TFR2: variants seen among roughly 807,000 people sequenced by gnomAD.
The protein encoded by TFR2 is transferrin receptor protein 2.
A neutral mutation model predicts 91.9 loss-of-function variants in TFR2; 64 were observed. The ratio of observed to expected loss-of-function variants is 0.70; its 90% CI spans 0.57 to 0.86. TFR2 has a LOEUF of 0.86. TFR2 is among the 40% of genes least tolerant of loss of function. TFR2 has a pLI of 0.00. For synonymous variants in TFR2, 454 were observed against 459.6 expected (o/e 0.99, Z 0.15); for missense variants, 950 against 1,080.5 (o/e 0.88, Z 1.69).
chr7:100,641,126 C>G lies in TFR2; in HGVS notation c.136G>C (p.Glu46Gln), dbSNP rs199735109. The G allele has an allele frequency of 3.8e-5, 59 of 1,568,778 alleles. No homozygotes were observed. The African/African-American group carries it at 6.9e-4, about 18-fold the overall frequency. ...EEEEDGEEGA[E>Q]TLAHFCPMEL... The stretch of plus-strand genomic sequence containing the variant: ...ATGGGGCAGAAGTGGGCCAATGTCT[C>G]CGCCCCCTCCTCCCCGTCTTCCTCT... Residue 46 changes from glutamate (E) to glutamine (Q), a missense_variant, in exon 2 of 18, where the codon GAG becomes CAG. Transcript: ENST00000223051.
At chr7:100,632,879 C>T (rs1031575659) in intron 6 of TFR2, 122 bp downstream of exon 6, 3 of 1,539,882 alleles carry the variant, frequency 1.9e-6, no homozygotes, top group African/African-American at 2.7e-5. Context: ...CTTATATTTT[C>T]TTACCATCCA....
In TFR2 at chr7:100,631,070, A is replaced by T; in HGVS notation, c.1107-18T>A. On this transcript the variant is annotated intron_variant, in intron 8 of 17. Coordinates refer to ENST00000223051, the MANE Select transcript of TFR2 (RefSeq NM_003227.4). ...TGAGCTTCCTGGAGAGGAGGAAGGC[A>T]GAAAGGGGGAAGTTGTAGAGAGACC... The T allele has an allele frequency of 1.9e-6, 3 of 1,541,394 alleles. No individual in the cohort carries two copies. The highest frequency in any genetic ancestry group is 2.5e-5 in the South Asian group (2 of 80,266).
chr7:100,634,808 G>T (rs1025446098), intron 3 of TFR2, among the ~76,000 whole-genome samples: 1 of 152,162 alleles, frequency 6.6e-6, no homozygotes, highest in African/African-American at 2.4e-5. Flanking sequence ...CAGTCTCTTT[G>T]CCTGGCAAAT....
chr7:100,630,626 G>A (rs1803406398), intron 9 of TFR2, among the ~76,000 whole-genome samples: 1 of 152,164 alleles, frequency 6.6e-6, no homozygotes, highest in African/African-American at 2.4e-5. Context: ...ATCCAACTTA[G>A]GCTTACTCAC....
At chr7:100,622,940 C>T (rs1803146998) in intron 17 of TFR2, among the ~76,000 whole-genome samples, 1 of 145,988 alleles carries the variant, frequency 6.8e-6, no homozygotes. Context: ...GCCTGGGTGA[C>T]AGAGCAAGAC....
At position 100,633,349 on chromosome 7, in the gene TFR2, C is replaced by T. The variant is rs371250117; in HGVS notation, c.615-9G>A. 8 of 1,611,374 alleles carry T rather than the reference C, an allele frequency of 5.0e-6. No individual in the cohort carries two copies. The highest frequency in any genetic ancestry group is 1.3e-5 in the African/African-American group (1 of 74,854). On this transcript the variant is annotated splice_polypyrimidine_tract_variant and intron_variant, in intron 4 of 17. Coordinates refer to ENST00000223051, the MANE Select transcript of TFR2 (RefSeq NM_003227.4). The stretch of plus-strand genomic sequence containing the variant: ...GGGTGTTGGGGTGAGCCCTGGGGAG[C>T]GGGGCTGGTGAGCGCCCCGAGCCGC...
In TFR2 at chr7:100,628,237, G is replaced by T. The variant is rs146530042; in HGVS notation, c.1460C>A (p.Thr487Lys). ...DGGDFGSVGS[T>K]EWLEGYLSVL... ...ACCCCGTATCACCTCTAGCCACTCCGTGGAGCCCACGCTTCCAAAGTCACC... is the reference window on the plus strand; with the variant it reads ...ACCCCGTATCACCTCTAGCCACTCCTTGGAGCCCACGCTTCCAAAGTCACC... Residue 487 changes from threonine to lysine, a missense_variant, in exon 11 of 18, where the codon ACG becomes AAG. Physicochemically the swap from Thr to Lys is moderately conservative, Grantham distance 78. Coordinates refer to ENST00000223051, the MANE Select transcript of TFR2 (RefSeq NM_003227.4). 8.2e-6 allele frequency: 13 copies of T among 1,581,836 alleles called. No homozygotes were observed. The highest frequency in any genetic ancestry group is 1.0e-5 in the Non-Finnish European group (12 of 1,167,016).
At chr7:100,635,432 A>AATT (rs60473539) in intron 3 of TFR2, among the ~76,000 whole-genome samples, 118,850 of 143,332 alleles carry the variant, frequency 0.83, 49,401 homozygotes, top group East Asian at 0.88. Context: ...TTTTTTAAAA[A>AATT]ATTATTATTA....
Position 100,628,122 on chromosome 7 carries a change from C to T in TFR2, c.1488G>A (p.Val496=). 1.2e-6 allele frequency: 2 copies of T among 1,614,124 alleles called. No homozygotes were observed. Among genetic ancestry groups the T allele is most frequent in the African/African-American group, 1.3e-5 (1 of 75,038 alleles). The stretch of plus-strand genomic sequence containing the variant: ...CGTACACTACGGCTTTGAGGTGCAG[C>T]ACGCTGAGGTAGCCCTGTGGGTGGG... ...STEWLEGYLS[V]LHLKAVVYVS... is the part of the protein sequence containing the mutation. Residue 496 remains valine, a synonymous_variant, in exon 12 of 18, where the codon GTG becomes GTA. Transcript: ENST00000223051.
intron 13 of TFR2, 29 bp from the exon 14 acceptor site, chr7:100,627,849 G>T: frequency 1.2e-6 from 2 of 1,614,052 alleles, no homozygotes; most frequent in East Asian, 2.2e-5. Context: ...CACTGATCAG[G>T]CTCTGCTCCT....
At position 100,627,283 on chromosome 7, in the gene TFR2, T is replaced by A. The variant is rs1436441761; in HGVS notation, c.1976A>T (p.Glu659Val). ...VVLRHIGNLN[E>V]FSGDLKARGL... ...TTGAACCTTGAGGTCCCCAGAGAACTCGTTGAGGTTCCCGATGTGCCTGAG... is the reference window on the plus strand; with the variant it reads ...TTGAACCTTGAGGTCCCCAGAGAACACGTTGAGGTTCCCGATGTGCCTGAG... Residue 659 changes from glutamate to valine, a missense_variant, in exon 16 of 18, where the codon GAG (glutamate) becomes GTG (valine). Coordinates refer to ENST00000223051, the MANE Select transcript of TFR2 (RefSeq NM_003227.4). 1 of 1,549,218 alleles carries A rather than the reference T, an allele frequency of 6.5e-7. No individual in the cohort carries two copies. The highest frequency in any genetic ancestry group is 1.4e-5 in the African/African-American group (1 of 73,074).
rs763998097 is a variant in TFR2 at position 100,631,865 on chromosome 7, T to C, written c.1047A>G (p.Ser349=). The C allele has an allele frequency of 1.2e-6, 2 of 1,613,906 alleles. No individual in the cohort carries two copies. The highest frequency in any genetic ancestry group is 8.5e-7 in the Non-Finnish European group (1 of 1,179,982). The change falls in exon 8 of 18, where the codon TCA becomes TCG. Residue 349 remains serine, a synonymous_variant. Coordinates refer to ENST00000223051, the MANE Select transcript of TFR2 (RefSeq NM_003227.4). ...GCTGGGCTGGGATGCTGGGAAGGCC[T>C]GATGATGCAACTGGAGGGAACTGGG... ...NQTQFPPVAS[S]GLPSIPAQPI... is the part of the protein sequence containing the mutation.
intron 17 of TFR2, among the ~76,000 whole-genome samples, chr7:100,624,139 C>T (rs569389052): frequency 7.6e-4 from 116 of 152,242 alleles, no homozygotes; most frequent in African/African-American, 2.7e-3. Flanking sequence ...CTCTAATTTC[C>T]TTGATGCTAA....
At chr7:100,623,887 CAAAAAAA>C (rs36052130) in intron 17 of TFR2, among the ~76,000 whole-genome samples, 1 of 96,476 alleles carries the variant, frequency 1.0e-5, no homozygotes. Context: ...CCTTCTCTAC[CAAAAAAA>C]AAAAAAAAAA....
rs758605498 is a variant in TFR2, at chr7:100,626,944, C to CAGGACCCCCGCCTAGCATGGGGACA, written c.1996-66_1996-42dup. 2,090 of 1,522,534 alleles carry CAGGACCCCCGCCTAGCATGGGGACA rather than the reference C, an allele frequency of 1.4e-3. 4 individuals carry two copies. The highest frequency in any genetic ancestry group is 1.4e-3 in the Non-Finnish European group (1,580 of 1,137,460). The allele number at this position is 1,522,534 out of a possible 1,614,324, so 94.3% of individuals were successfully genotyped here. On this transcript the variant is annotated intron_variant, in intron 16 of 17. Transcript: ENST00000223051. ...GCGGGCTGGGGCTGGCGGCAGGGGC[C>CAGGACCCCCGCCTAGCATGGGGACA]AGGACCCCCGCCTAGCATGGGGACA...
At position 100,632,182 on chromosome 7, in the gene TFR2, T is replaced by C. The variant is rs1803459143; in HGVS notation, c.866A>G (p.Asp289Gly). Residue 289 changes from aspartate to glycine, a missense_variant, in exon 7 of 18, where the codon GAC (aspartate) becomes GGC (glycine). Physicochemically the swap from Asp to Gly is moderately conservative, Grantham distance 94. Coordinates refer to ENST00000223051, the MANE Select transcript of TFR2 (RefSeq NM_003227.4). Reference protein sequence around the residue: ...SFAQKVTNAQDFGAQGVLIYP... With the variant: ...SFAQKVTNAQGFGAQGVLIYP... ...TATGAGCACTCCTTGAGCCCCGAAG[T>C]CCTGAGCATTGGTCACCTGGGGAGG... 2 of 1,613,910 alleles carry C rather than the reference T, an allele frequency of 1.2e-6. No individual in the cohort carries two copies. Among genetic ancestry groups the C allele is most frequent in the Non-Finnish European group, 1.7e-6 (2 of 1,179,960 alleles).
intron 17 of TFR2, among the ~76,000 whole-genome samples, chr7:100,623,459 A>T (rs905317675): frequency 7.2e-5 from 11 of 151,892 alleles, no homozygotes; most frequent in Admixed American, 7.2e-4. Context: ...AGACATTTGC[A>T]ATCTGACCAA....
At chr7:100,634,043 C>G (rs968008762) in intron 3 of TFR2, among the ~76,000 whole-genome samples, 1 of 151,962 alleles carries the variant, frequency 6.6e-6, no homozygotes, top group Non-Finnish European at 1.5e-5. Flanking sequence ...ACCACCAGGG[C>G]GGCGCCGGAG....
Position 100,627,013 on chromosome 7 carries a change from C to CTG in TFR2, c.1996-111_1996-110insCA, listed in dbSNP as rs35142847. On this transcript the variant is annotated intron_variant, in intron 16 of 17. Transcript: ENST00000223051. ...GGGGAAGGGGGCTGGGACCCCTGGC[C>CTG]GCAGGAGGGAGGAGGTAGACGAGGA... The CTG allele has an allele frequency of 0.65, 945,821 of 1,450,516 alleles. 311,863 individuals carry two copies. The highest frequency in any genetic ancestry group is 0.85 in the African/African-American group (60,142 of 70,830). 89.9% of individuals were successfully genotyped at this position (1,450,516 alleles called of 1,614,324 possible).
Sources: allele counts gnomAD v4.1 joint callset (sites outside exome capture counted in the v4.1 genomes callset), GRCh38; gene constraint gnomAD v4.1.1; transcripts MANE v1.5; gene names NCBI Gene and HGNC (gene_info 2026-07-23, HGNC 2026-07-21).